The following FIG4 variants were observed in gnomAD, a reference collection of about 807,000 sequenced individuals.
FIG4 encodes polyphosphoinositide phosphatase.
A neutral mutation model predicts 118.6 loss-of-function variants in FIG4; 112 were observed. That is an observed-to-expected ratio of 0.94 (90% CI 0.81 to 1.11). FIG4 has a LOEUF of 1.11. Ranked by LOEUF, FIG4 falls within the 50% of genes least tolerant of loss-of-function variation. The pLI, the probability that FIG4 is intolerant of heterozygous loss-of-function variation, is 0.00. For missense variants in FIG4, 969 were observed against 1,111.7 expected (o/e 0.87, Z 1.83); for synonymous variants, 369 against 381.2 (o/e 0.97, Z 0.37).
intron 16 of FIG4, among the ~76,000 whole-genome samples, chr6:109,778,637 G>T (rs545179945): frequency 3.7e-4 from 56 of 151,694 alleles, no homozygotes; most frequent in Admixed American, 2.0e-3. Flanking sequence ...CTCACTCTGT[G>T]GCCCAGGCTG....
intron 21 of FIG4, among the ~76,000 whole-genome samples, chr6:109,793,531 C>A (rs192177992): frequency 1.3e-5 from 2 of 152,156 alleles, no homozygotes; most frequent in African/African-American, 4.8e-5. Context: ...GAAATCCCCA[C>A]GAACCTGATG....
chr6:109,756,071 G>T (rs1157316173), intron 10 of FIG4, among the ~76,000 whole-genome samples: 2 of 152,180 alleles, frequency 1.3e-5, no homozygotes, highest in African/African-American at 4.8e-5. Context: ...GCAGCGGCTG[G>T]TGCCGGTTGT....
At chr6:109,732,842 T>C (rs1449394032) in intron 5 of FIG4, among the ~76,000 whole-genome samples, 155 bp downstream of exon 5, 2 of 152,132 alleles carry the variant, frequency 1.3e-5, no homozygotes, top group African/African-American at 4.8e-5. Flanking sequence ...TTTCTTCCTT[T>C]TAAAAATCTT....
At chr6:109,788,392 T>C (rs762632158) in intron 18 of FIG4, among the ~76,000 whole-genome samples, 1 of 152,040 alleles carries the variant, frequency 6.6e-6, no homozygotes, top group Non-Finnish European at 1.5e-5. Flanking sequence ...AATAGCAAGA[T>C]CACCAAAAAA....
At chr6:109,705,803 A>G (rs1775050012) in intron 1 of FIG4, among the ~76,000 whole-genome samples, 1 of 152,234 alleles carries the variant, frequency 6.6e-6, no homozygotes, top group Non-Finnish European at 1.5e-5. Context: ...TTACCTATGT[A>G]GCAAACCTTC....
intron 6 of FIG4, 96 bp from the exon 7 acceptor site, chr6:109,738,229 C>A: frequency 9.7e-7 from 1 of 1,032,350 alleles, no homozygotes; most frequent in Non-Finnish European, 1.5e-6. Context: ...AGTTGAATGT[C>A]AGCCAATTTC....
intron 22 of FIG4, among the ~76,000 whole-genome samples, chr6:109,804,851 A>G (rs1778519634): frequency 6.6e-6 from 1 of 152,212 alleles, no homozygotes; most frequent in Admixed American, 6.5e-5. Flanking sequence ...ACTAATATAA[A>G]GAGACTTTGA....
At chr6:109,735,699 G>A (rs1175184149) in intron 6 of FIG4, among the ~76,000 whole-genome samples, 1 of 151,894 alleles carries the variant, frequency 6.6e-6, no homozygotes, top group Non-Finnish European at 1.5e-5. Flanking sequence ...AGTTACCATG[G>A]GTTGCCTATT....
chr6:109,706,682 T>C (rs1775076598), intron 1 of FIG4, among the ~76,000 whole-genome samples: 1 of 152,180 alleles, frequency 6.6e-6, no homozygotes, highest in African/African-American at 2.4e-5. Context: ...TTGAGTGTCT[T>C]TTTTGTGCTG....
chr6:109,796,380 C>A (rs1489083655), intron 21 of FIG4, among the ~76,000 whole-genome samples: 1 of 152,192 alleles, frequency 6.6e-6, no homozygotes, highest in Non-Finnish European at 1.5e-5. Context: ...GCATGCTTCC[C>A]CCCATGCTTC....
At chr6:109,814,988 A>G (rs1430213224) in intron 22 of FIG4, among the ~76,000 whole-genome samples, 4 of 152,020 alleles carry the variant, frequency 2.6e-5, no homozygotes, top group African/African-American at 2.4e-5. Context: ...ATGTATAAGT[A>G]TATACATGCA....
intron 1 of FIG4, among the ~76,000 whole-genome samples, chr6:109,710,673 T>C (rs1337740640): frequency 6.6e-6 from 1 of 152,230 alleles, no homozygotes; most frequent in African/African-American, 2.4e-5. Flanking sequence ...ACTGGTCTGT[T>C]CAGGGATTGA....
intron 10 of FIG4, among the ~76,000 whole-genome samples, chr6:109,749,055 C>CTGTGTGTG (rs113357544): frequency 0.022 from 2,943 of 132,416 alleles, 34 homozygotes; most frequent in South Asian, 0.041. Context: ...CAAAGGAGCT[C>CTGTGTGTG]TGTGTGTGTG....
At chr6:109,792,809 G>T (rs546751132) in intron 21 of FIG4, 145 bp downstream of exon 21, 1 of 569,260 alleles carries the variant, frequency 1.8e-6, no homozygotes. Flanking sequence ...GTATGATCTC[G>T]GCTCCTGAGT....
intron 3 of FIG4, among the ~76,000 whole-genome samples, chr6:109,717,418 A>G (rs567270050): frequency 1.3e-5 from 2 of 152,198 alleles, no homozygotes; most frequent in East Asian, 3.9e-4. Flanking sequence ...TCTGATATGC[A>G]TTGTCCCTCC....
intron 5 of FIG4, 107 bp from the exon 6 acceptor site, chr6:109,735,043 T>C (rs1196831336): frequency 1.1e-6 from 1 of 900,898 alleles, no homozygotes; most frequent in Non-Finnish European, 1.8e-6. Flanking sequence ...AATAAAGTAA[T>C]AGGTGCTAAG....
Position 109,714,045 on chromosome 6 carries a change from C to A in FIG4, c.67-1033C>A, listed in dbSNP as rs115608471. 4.4e-3 allele frequency among the ~76,000 whole-genome samples: 664 copies of A among 152,270 alleles called. 3 individuals carry two copies. The highest frequency in any genetic ancestry group is 0.015 in the African/African-American group (629 of 41,542). On this transcript the variant is annotated intron_variant, in intron 1 of 22. Transcript: ENST00000230124. ...GAGTGTCCCTGGCTGTGCTCCACTA[C>A]AAACGCTCCCATACCAAACCCTCTG...
At chr6:109,718,670 T>C (rs889512726) in intron 3 of FIG4, among the ~76,000 whole-genome samples, 1 of 152,166 alleles carries the variant, frequency 6.6e-6, no homozygotes, top group South Asian at 2.1e-4. Flanking sequence ...TTGCTTAGTC[T>C]TGAGAAGGCC....
chr6:109,728,306 T>C (rs76157421), intron 4 of FIG4, among the ~76,000 whole-genome samples: 9,642 of 152,218 alleles, frequency 0.063, 573 homozygotes, highest in African/African-American at 0.15. Context: ...TGGTGTTAAT[T>C]GTACTTTTTT....
Sources: gnomAD v4.1 joint callset for allele counts (sites outside exome capture counted in the v4.1 genomes callset) on GRCh38, gnomAD v4.1.1 for gene constraint, MANE v1.5 for transcripts, NCBI Gene and HGNC (gene_info 2026-07-23, HGNC 2026-07-21) for gene names.